The following NYAP2 variants were observed in gnomAD, a reference collection of about 807,000 sequenced individuals.
NYAP2 encodes neuronal tyrosine-phosphorylated phosphoinositide-3-kinase adapter 2.
NYAP2 carries 23 observed loss-of-function variants against 50.4 expected under a neutral mutation model. The ratio of observed to expected loss-of-function variants is 0.46; its 90% CI spans 0.33 to 0.65. The LOEUF (loss-of-function observed/expected upper bound fraction) is 0.65, where lower values mean the gene tolerates loss of function less well. NYAP2 is among the 30% of genes least tolerant of loss of function. The pLI, the probability that NYAP2 is intolerant of heterozygous loss-of-function variation, is 0.02. For missense variants in NYAP2, 885 were observed against 861.0 expected (o/e 1.03, Z -0.35); for synonymous variants, 394 against 365.2 (o/e 1.08, Z -0.90).
the NYAP2 span, among the ~76,000 whole-genome samples, chr2:225,689,574 AAT>A: frequency 6.6e-6 from 1 of 152,276 alleles, no homozygotes; most frequent in East Asian, 1.9e-4. Flanking sequence ...ACATTTTTTC[AAT>A]ATGTCTATAT....
downstream of NYAP2, among the ~76,000 whole-genome samples, chr2:225,656,381 T>C (rs996488391): frequency 6.6e-6 from 1 of 152,208 alleles, no homozygotes; most frequent in Admixed American, 6.5e-5. Flanking sequence ...TCCTTTCAAC[T>C]TGTCTCTTCG....
intron 3 of NYAP2, among the ~76,000 whole-genome samples, chr2:225,442,331 A>G (rs1387940189): frequency 6.6e-6 from 1 of 152,220 alleles, no homozygotes; most frequent in East Asian, 1.9e-4. Context: ...ACCACTGTGT[A>G]GAAAAGAATA....
At chr2:225,455,188 CCCATTTCAGACT>C (rs1689720401) in intron 3 of NYAP2, among the ~76,000 whole-genome samples, 1 of 152,192 alleles carries the variant, frequency 6.6e-6, no homozygotes, top group African/African-American at 2.4e-5. Context: ...GCCAGTTAGA[CCCATTTCAGACT>C]CCTGAACTCC....
At chr2:225,632,532 G>C (rs982555554) in intron 6 of NYAP2, among the ~76,000 whole-genome samples, 5 of 152,198 alleles carry the variant, frequency 3.3e-5, no homozygotes, top group African/African-American at 7.2e-5. Context: ...CTGAAGTAAA[G>C]CAAATGTGTC....
At chr2:225,423,831 A>T (rs1192661997) in intron 3 of NYAP2, among the ~76,000 whole-genome samples, 6 of 152,208 alleles carry the variant, frequency 3.9e-5, no homozygotes, top group Non-Finnish European at 8.8e-5. Flanking sequence ...GAAATAGTAC[A>T]TAATAGATAC....
At chr2:225,421,308 A>G (rs542010361) in intron 3 of NYAP2, among the ~76,000 whole-genome samples, 19 of 152,316 alleles carry the variant, frequency 1.2e-4, no homozygotes, top group African/African-American at 4.6e-4. Flanking sequence ...TTTAAATAGT[A>G]TTTGTTTTTG....
intron 3 of NYAP2, among the ~76,000 whole-genome samples, chr2:225,435,777 T>C (rs1412923908): frequency 6.6e-6 from 1 of 152,206 alleles, no homozygotes; most frequent in Non-Finnish European, 1.5e-5. Flanking sequence ...AGCATCCACA[T>C]GCATTCACCT....
intron 3 of NYAP2, among the ~76,000 whole-genome samples, chr2:225,418,090 G>A (rs1436995534): frequency 6.6e-6 from 1 of 152,120 alleles, no homozygotes; most frequent in African/African-American, 2.4e-5. Context: ...GACTCACTGA[G>A]GATGTGACAT....
intron 3 of NYAP2, among the ~76,000 whole-genome samples, chr2:225,491,483 CTG>C (rs1392520098): frequency 6.6e-6 from 1 of 152,140 alleles, no homozygotes; most frequent in Non-Finnish European, 1.5e-5. Context: ...ATTTAAGTGT[CTG>C]TGAATTTGTA....
In NYAP2 at chr2:225,597,491, C is replaced by T. The variant is rs573818249; in HGVS notation, c.1618+14456C>T. On this transcript the variant is annotated intron_variant, in intron 5 of 6. Transcript: ENST00000636099. ...GCCATTATTTCATTCCTTTTTATGGCTAAATAGTATTCCAAGGAGAAATAT... is the reference window on the plus strand; with the variant it reads ...GCCATTATTTCATTCCTTTTTATGGTTAAATAGTATTCCAAGGAGAAATAT... Among the ~76,000 whole-genome samples the T allele has an allele frequency of 1.2e-4, 5 of 42,134 alleles. No homozygotes were observed. In the South Asian group the frequency reaches 3.7e-3, roughly 31 times the overall value. The allele number at this position is 42,134 out of a possible 152,430, so 27.6% of individuals were successfully genotyped here.
chr2:225,452,393 G>T (rs907023004), intron 3 of NYAP2, among the ~76,000 whole-genome samples: 3 of 152,094 alleles, frequency 2.0e-5, no homozygotes, highest in Non-Finnish European at 4.4e-5. Flanking sequence ...CCTTCTGCCA[G>T]CACTCTGTCT....
chr2:225,525,600 T>C (rs941739353), intron 4 of NYAP2, among the ~76,000 whole-genome samples: 1 of 152,066 alleles, frequency 6.6e-6, no homozygotes, highest in African/African-American at 2.4e-5. Flanking sequence ...AGTAGAATAA[T>C]AGACAACATT....
chr2:225,479,313 A>G (rs1690168157), intron 3 of NYAP2, among the ~76,000 whole-genome samples: 2 of 152,180 alleles, frequency 1.3e-5, no homozygotes, highest in Admixed American at 1.3e-4. Flanking sequence ...AAATCAGGTT[A>G]GTGACTCTTA....
At chr2:225,553,453 C>T (rs996240757) in intron 4 of NYAP2, among the ~76,000 whole-genome samples, 1 of 152,190 alleles carries the variant, frequency 6.6e-6, no homozygotes, top group African/African-American at 2.4e-5. Flanking sequence ...AGCTGAATAA[C>T]CAGCACAGTT....
the NYAP2 span, among the ~76,000 whole-genome samples, chr2:225,688,368 C>T: frequency 3.5e-3 from 537 of 152,260 alleles, 6 homozygotes; most frequent in Non-Finnish European, 6.4e-3. Flanking sequence ...CCTGAAAATA[C>T]TCAGAAAATG....
At chr2:225,653,688 C>T (rs1390650365) in exon 7 of NYAP2, 1 of 152,220 alleles carries the variant, frequency 6.6e-6, no homozygotes, top group East Asian at 1.9e-4. Context: ...ATGAACACTG[C>T]TCTGAACTCC....
In NYAP2 at chr2:225,592,540, T is replaced by C. The variant is rs141123479; in HGVS notation, c.1618+9505T>C. 2.5e-3 allele frequency among the ~76,000 whole-genome samples: 385 copies of C among 152,352 alleles called. 7 individuals are homozygous for C. Among genetic ancestry groups the C allele is most frequent in the African/African-American group, 9.0e-3 (373 of 41,576 alleles). ...ACAATTCTTCAAGAACAAGCTGGCC[T>C]ATTGTTATGTTTTTAAAGTGAAGGG... On this transcript the variant is annotated intron_variant, in intron 5 of 6. Transcript: ENST00000636099.
chr2:225,427,832 A>G (rs944339890), intron 3 of NYAP2, among the ~76,000 whole-genome samples: 4 of 152,198 alleles, frequency 2.6e-5, no homozygotes, highest in Admixed American at 2.6e-4. Context: ...ATAACCTGGA[A>G]GATTTGTAAA....
chr2:225,545,333 T>C (rs1005665421), intron 4 of NYAP2, among the ~76,000 whole-genome samples: 1 of 152,186 alleles, frequency 6.6e-6, no homozygotes, highest in Non-Finnish European at 1.5e-5. Flanking sequence ...ATTCGCCCTT[T>C]TGAGGCCATT....
Sources: gnomAD v4.1 joint callset for allele counts (sites outside exome capture counted in the v4.1 genomes callset) on GRCh38, gnomAD v4.1.1 for gene constraint, MANE v1.5 for transcripts, NCBI Gene and HGNC (gene_info 2026-07-23, HGNC 2026-07-21) for gene names.